Variants in NAA15 observed in about 807,000 individuals in gnomAD.
NAA15 encodes N-alpha-acetyltransferase 15, NatA auxiliary subunit, also known as N-terminal acetyltransferase.
A neutral mutation model predicts 114.0 loss-of-function variants in NAA15; 34 were observed. The observed-to-expected ratio is 0.30, with a 90% CI of 0.23 to 0.40. The LOEUF is 0.40. Among genes scored for constraint, NAA15 ranks in the 10% least tolerant of loss-of-function variants. The pLI is 1.00. For synonymous variants in NAA15, 340 were observed against 338.0 expected (o/e 1.01, Z -0.06); for missense variants, 658 against 1,004.5 (o/e 0.66, Z 4.66).
rs889542717 is a variant in NAA15, at chr4:139,301,929, C to A, written c.54+98C>A. 8.5e-6 allele frequency: 11 copies of A among 1,296,104 alleles called. No individual in the cohort carries two copies. In the African/African-American group the frequency reaches 1.5e-4, roughly 17 times the overall value. The allele number at this position is 1,296,104 out of a possible 1,614,324, so 80.3% of individuals were successfully genotyped here. On this transcript the variant is annotated intron_variant, in intron 1 of 19. Coordinates refer to ENST00000296543, the MANE Select transcript of NAA15 (RefSeq NM_057175.5). ...CCCGGCGGGCACTGAGCCACTCCCG[C>A]CCGGGACCCCGCCTTCATAGCTCTC...
rs200767572 is a variant in NAA15, at chr4:139,354,046, A to G, written c.1035A>G (p.Leu345=). The G allele has an allele frequency of 9.9e-6, 16 of 1,613,530 alleles. No homozygotes were observed. Among genetic ancestry groups the G allele is most frequent in the Non-Finnish European group, 4.2e-6 (5 of 1,179,692 alleles). The change falls in exon 10 of 20, where the codon TTA becomes TTG. Residue 345 remains leucine (L), a synonymous_variant. Transcript: ENST00000296543. ...TCTAGGTGGCAATCATAGAAGAGTT[A>G]GTAGTAGGTTATGAAACCTCTCTAA... The part of the protein sequence containing the change: ...DKEKVAIIEE[L]VVGYETSLKS...
chr4:139,357,544 A>G lies in NAA15; in HGVS notation c.1246A>G (p.Lys416Glu). 2.5e-6 allele frequency: 4 copies of G among 1,599,568 alleles called. No homozygotes were observed. Among genetic ancestry groups the G allele is most frequent in the South Asian group, 1.1e-5 (1 of 89,884 alleles). The change falls in exon 11 of 20, where the codon AAA becomes GAA. Residue 416 changes from lysine to glutamate, a missense_variant. Coordinates refer to ENST00000296543, the MANE Select transcript of NAA15 (RefSeq NM_057175.5). ...TLIELFLVKA[K>E]IYKHAGNIKE... is the part of the protein sequence containing the mutation. ...AATAGAACTCTTTCTCGTGAAAGCTAAAATCTATAAGGTAAAAATCTTTTT... is the reference window on the plus strand; with the variant it reads ...AATAGAACTCTTTCTCGTGAAAGCTGAAATCTATAAGGTAAAAATCTTTTT...
chr4:139,344,112 TTTGAGTA>T, intron 5 of NAA15, 67 bp from the exon 6 acceptor site: 4 of 1,322,452 alleles, frequency 3.0e-6, no homozygotes, highest in Non-Finnish European at 4.1e-6. Flanking sequence ...CTTACATGTT[TTTGAGTA>T]TTGTGAACAA....
At position 139,378,746 on chromosome 4, in the gene NAA15, C is replaced by CT. The variant is rs1560981405; in HGVS notation, c.2057-5dup. On this transcript the variant is annotated splice_polypyrimidine_tract_variant and intron_variant, in intron 16 of 19. Transcript: ENST00000296543. ...ATGATCAAAATATATCTTACTTTCT[C>CT]TTTTTATAGAAAAGTTTCTTTTGAT... The CT allele has an allele frequency of 6.6e-7, 1 of 1,524,246 alleles. No homozygotes were observed. The highest frequency in any genetic ancestry group is 2.2e-5 in the Admixed American group (1 of 45,792). 94.4% of individuals were successfully genotyped at this position (1,524,246 alleles called of 1,614,324 possible).
At chr4:139,321,996 C>G (rs950892188) in intron 1 of NAA15, among the ~76,000 whole-genome samples, 1 of 151,944 alleles carries the variant, frequency 6.6e-6, no homozygotes, top group Non-Finnish European at 1.5e-5. Context: ...AGTATGGATC[C>G]TAGGATATTT....
At chr4:139,371,486 AAAG>A (rs1410748460) in intron 15 of NAA15, among the ~76,000 whole-genome samples, 1 of 135,022 alleles carries the variant, frequency 7.4e-6, no homozygotes, top group African/African-American at 2.7e-5. Context: ...AAAAAAAAAA[AAAG>A]AAAAGTAGCA....
intron 5 of NAA15, among the ~76,000 whole-genome samples, chr4:139,343,840 C>T (rs143347233): frequency 1.3e-5 from 2 of 152,162 alleles, no homozygotes; most frequent in Non-Finnish European, 1.5e-5. Context: ...ATGATTCTTG[C>T]CTGAATCAGT....
At chr4:139,351,687 C>T in intron 9 of NAA15, 76 bp downstream of exon 9, 1 of 799,690 alleles carries the variant, frequency 1.3e-6, no homozygotes, top group Non-Finnish European at 2.2e-6. Flanking sequence ...TCTTGATTAT[C>T]TCTGCACAGT....
intron 15 of NAA15, among the ~76,000 whole-genome samples, chr4:139,371,805 C>G (rs1748448140): frequency 6.6e-6 from 1 of 152,166 alleles, no homozygotes; most frequent in South Asian, 2.1e-4. Flanking sequence ...ACCACCTTCA[C>G]TGCCAGCCTG....
intron 1 of NAA15, among the ~76,000 whole-genome samples, chr4:139,311,092 AC>A (rs982782625): frequency 2.6e-5 from 4 of 151,606 alleles, no homozygotes; most frequent in African/African-American, 9.7e-5. Context: ...GCCTGGCTAA[AC>A]AGGTGTCCTT....
chr4:139,365,948 G>T (rs1044179530), intron 14 of NAA15, among the ~76,000 whole-genome samples: 4 of 151,988 alleles, frequency 2.6e-5, no homozygotes, highest in Non-Finnish European at 4.4e-5. Context: ...TTGTTAAAAA[G>T]GTCAGTGCTT....
rs1749030822 is a variant in NAA15, at chr4:139,390,436, C to T, written c.*2352C>T. Reference sequence around the variant, plus strand: ...CAACTGGATCGTCTCATATTTGCCTCATTCATCCTATTAATTTCAAATGAT... The same window carrying T: ...CAACTGGATCGTCTCATATTTGCCTTATTCATCCTATTAATTTCAAATGAT... On this transcript the variant is annotated 3_prime_UTR_variant, in exon 20 of 20. Coordinates refer to ENST00000296543, the MANE Select transcript of NAA15 (RefSeq NM_057175.5). 6.6e-6 allele frequency: 1 copy of T among 152,584 alleles called. No individual in the cohort carries two copies. The highest frequency in any genetic ancestry group is 2.4e-5 in the African/African-American group (1 of 41,442). 9.5% of individuals were successfully genotyped at this position (152,584 alleles called of 1,614,324 possible).
intron 15 of NAA15, among the ~76,000 whole-genome samples, chr4:139,372,802 G>C (rs1166091026): frequency 3.3e-5 from 5 of 150,080 alleles, no homozygotes; most frequent in African/African-American, 4.9e-5. Context: ...AGTGTCACTA[G>C]TTCAGGATAA....
At position 139,301,636 on chromosome 4, in the gene NAA15, A is replaced by G. The variant is rs1300437544; in HGVS notation, c.-142A>G. On this transcript the variant is annotated 5_prime_UTR_variant, in exon 1 of 20. Transcript: ENST00000296543. ...AAAAAGGAGGTGTCCGGGTAGGGCA[A>G]CGCGGCGACACCCGAGGCCTGGTGG... is the stretch of plus-strand genomic sequence containing the variant. 2 of 902,558 alleles carry G rather than the reference A, an allele frequency of 2.2e-6. No individual in the cohort carries two copies. Among genetic ancestry groups the G allele is most frequent in the African/African-American group, 1.7e-5 (1 of 59,268 alleles). The allele number at this position is 902,558 out of a possible 1,614,324, so 55.9% of individuals were successfully genotyped here. A position where few individuals can be genotyped will look rare whatever the true frequency, so the allele number is the denominator to read the frequency against.
intron 1 of NAA15, among the ~76,000 whole-genome samples, chr4:139,317,233 C>T (rs1156543957): frequency 6.6e-6 from 1 of 152,006 alleles, no homozygotes; most frequent in South Asian, 2.1e-4. Flanking sequence ...GTCATTTCAT[C>T]TCCTTATAAT....
At chr4:139,339,363 G>A (rs551371397) in intron 3 of NAA15, among the ~76,000 whole-genome samples, 41 of 152,252 alleles carry the variant, frequency 2.7e-4, no homozygotes, top group African/African-American at 9.1e-4. Flanking sequence ...ATGTGGTGGT[G>A]GCATGTGCCT....
chr4:139,330,496 G>A (rs1746966118), intron 1 of NAA15, among the ~76,000 whole-genome samples: 1 of 152,104 alleles, frequency 6.6e-6, no homozygotes, highest in Admixed American at 6.6e-5. Flanking sequence ...AACCAGTTAG[G>A]AAGCTATTGC....
At chr4:139,305,543 T>TG (rs892174715) in intron 1 of NAA15, among the ~76,000 whole-genome samples, 1 of 151,798 alleles carries the variant, frequency 6.6e-6, no homozygotes, top group Non-Finnish European at 1.5e-5. Flanking sequence ...CTTGTTGTTT[T>TG]TTTTTTTTTT....
At chr4:139,365,211 T>C (rs998975758) in intron 14 of NAA15, among the ~76,000 whole-genome samples, 18 of 152,108 alleles carry the variant, frequency 1.2e-4, no homozygotes, top group Admixed American at 4.6e-4. Flanking sequence ...CTAATTTTTG[T>C]ATTTTTAGTA....
Sources: gnomAD v4.1 joint callset for allele counts (sites outside exome capture counted in the v4.1 genomes callset) on GRCh38, gnomAD v4.1.1 for gene constraint, MANE v1.5 for transcripts, NCBI Gene and HGNC (gene_info 2026-07-23, HGNC 2026-07-21) for gene names.